The following CEACAM4 variants were observed in gnomAD, a reference collection of about 807,000 sequenced individuals.
CEACAM4 encodes the protein cell adhesion molecule CEACAM4.
Under a neutral mutation model 28.7 loss-of-function variants are expected in CEACAM4, and 30 were observed. The observed-to-expected ratio is 1.05, with a 90% CI of 0.78 to 1.42. The LOEUF is 1.42. Among genes scored for constraint, CEACAM4 ranks in the 40% most tolerant of loss-of-function variants. The pLI is 0.00. For synonymous variants in CEACAM4, 143 were observed against 126.5 expected, an observed-to-expected ratio of 1.13 and a Z score of -0.87; for missense variants, 330 against 308.2, an observed-to-expected ratio of 1.07 and a Z score of -0.53.
chr19:41,626,132 G>A (rs1252108514), intron 1 of CEACAM4, among the ~76,000 whole-genome samples, 172 bp from the exon 2 acceptor site: 1 of 140,028 alleles, frequency 7.1e-6, no homozygotes, highest in Non-Finnish European at 1.5e-5. Flanking sequence ...GTGTCCCTGG[G>A]TCAGCAGCAT....
intron 6 of CEACAM4, 59 bp downstream of exon 6, chr19:41,619,611 G>T: frequency 6.4e-7 from 1 of 1,569,582 alleles, no homozygotes; most frequent in Non-Finnish European, 8.6e-7. Flanking sequence ...GTGCTGGTGG[G>T]GGCAGATCCT....
chr19:41,624,630 C>G (rs2122579434), intron 2 of CEACAM4, among the ~76,000 whole-genome samples: 1 of 152,306 alleles, frequency 6.6e-6, no homozygotes, highest in Non-Finnish European at 1.5e-5. Flanking sequence ...TAGTAAGGCA[C>G]CAGGGATGAA....
In CEACAM4 at chr19:41,620,758, G is replaced by A. The variant is rs1455078641; in HGVS notation, c.543-131C>T. On this transcript the variant is annotated intron_variant, in intron 3 of 6. Coordinates refer to ENST00000221954, the MANE Select transcript of CEACAM4 (RefSeq NM_001817.4). ...GCCTCCTGTCTCCATCAGTTTCGTG[G>A]TAGGAGCGGCCGAGGACGGGGAGCT... 2.9e-5 allele frequency: 23 copies of A among 785,452 alleles called. No individual in the cohort carries two copies. In the African/African-American group the frequency reaches 3.7e-4, roughly 13 times the overall value. The allele number at this position is 785,452 out of a possible 1,614,324, so 48.7% of individuals were successfully genotyped here. A position where few individuals can be genotyped will look rare whatever the true frequency, so the allele number is the denominator to read the frequency against.
Position 41,619,357 on chromosome 19 carries a change from G to A in CEACAM4, c.708C>T (p.Ile236=), listed in dbSNP as rs369386028. The change falls in exon 7 of 7, where the codon ATC becomes ATT. Residue 236 remains isoleucine, a synonymous_variant. Coordinates refer to ENST00000221954, the MANE Select transcript of CEACAM4 (RefSeq NM_001817.4). Reference sequence around the variant, plus strand: ...AAGAGACCACATCTGCTTTGTGGTCGATCTGGCAGTAAATGTTTGCATCAG... The same window carrying A: ...AAGAGACCACATCTGCTTTGTGGTCAATCTGGCAGTAAATGTTTGCATCAG... ...LYSDANIYCQ[I]DHKADVVS is the part of the protein sequence containing the mutation. The A allele has an allele frequency of 3.1e-6, 5 of 1,613,926 alleles. No individual in the cohort carries two copies. The African/African-American group carries it at 4.0e-5, about 13-fold the overall frequency.
At position 41,626,871 on chromosome 19, in the gene CEACAM4, C is replaced by T. The variant is rs184432334; in HGVS notation, c.64+29G>A. ...CAGTCAGTCTCTGTGCTCCCTCTTC[C>T]CACCACTCCCAGAGAGTCCTCCCCT... On this transcript the variant is annotated intron_variant, in intron 1 of 6. Transcript: ENST00000221954. 1.9e-6 allele frequency: 3 copies of T among 1,601,000 alleles called. No individual in the cohort carries two copies. The East Asian group carries it at 6.7e-5, about 36-fold the overall frequency.
intron 4 of CEACAM4, 24 bp downstream of exon 4, chr19:41,620,551 C>T: frequency 3.1e-6 from 5 of 1,607,512 alleles, no homozygotes; most frequent in Non-Finnish European, 3.4e-6. Flanking sequence ...GGGGCTCCCA[C>T]ACCTGGGCTG....
At chr19:41,620,343 G>T in intron 4 of CEACAM4, 101 bp from the exon 5 acceptor site, 1 of 1,144,348 alleles carries the variant, frequency 8.7e-7, no homozygotes, top group Non-Finnish European at 1.2e-6. Context: ...ATCAGGGAGA[G>T]GGAGCCTCTT....
chr19:41,624,574 G>A (rs912276879), intron 2 of CEACAM4, among the ~76,000 whole-genome samples: 2 of 152,184 alleles, frequency 1.3e-5, no homozygotes, highest in Non-Finnish European at 2.9e-5. Context: ...AGACACCTAA[G>A]AAGAAAACAT....
At chr19:41,621,823 C>T in intron 2 of CEACAM4, 55 bp from the exon 3 acceptor site, 2 of 1,032,076 alleles carry the variant, frequency 1.9e-6, no homozygotes, top group East Asian at 2.4e-5. Flanking sequence ...CAAGGGAAAC[C>T]ATAAGAGGCA....
At chr19:41,624,685 G>A (rs1308560639) in intron 2 of CEACAM4, among the ~76,000 whole-genome samples, 3 of 152,194 alleles carry the variant, frequency 2.0e-5, no homozygotes, top group Non-Finnish European at 4.4e-5. Flanking sequence ...ATGTGACTCT[G>A]CCAGCTGCGA....
downstream of CEACAM4, among the ~76,000 whole-genome samples, chr19:41,618,647 A>G (rs2071061700): frequency 1.3e-5 from 2 of 152,138 alleles, no homozygotes; most frequent in African/African-American, 4.8e-5. Context: ...GCCGCAACCT[A>G]TACCACCCAT....
chr19:41,622,181 G>A (rs975811766), intron 2 of CEACAM4, among the ~76,000 whole-genome samples: 1 of 151,818 alleles, frequency 6.6e-6, no homozygotes. Context: ...AAGTTCAAGC[G>A]ATTCTCTTGC....
At position 41,619,090 on chromosome 19, in the gene CEACAM4, G is replaced by A. The variant is rs1316158751; in HGVS notation, c.*240C>T. On this transcript the variant is annotated 3_prime_UTR_variant, in exon 7 of 7. Coordinates refer to ENST00000221954, the MANE Select transcript of CEACAM4 (RefSeq NM_001817.4). ...GGCCACAGGCCCATTCACTTTCCTT[G>A]CAAGCCCCCGCTTCCTGTGGTGATG... 1.9e-6 allele frequency: 1 copy of A among 532,166 alleles called. No homozygotes were observed. Among genetic ancestry groups the A allele is most frequent in the Admixed American group, 3.4e-5 (1 of 29,224 alleles). The allele number at this position is 532,166 out of a possible 1,614,324, so 33.0% of individuals were successfully genotyped here.
downstream of CEACAM4, among the ~76,000 whole-genome samples, chr19:41,616,536 GATAGA>G (rs2070987121): frequency 1.7e-4 from 21 of 120,376 alleles, no homozygotes; most frequent in African/African-American, 6.2e-4. Flanking sequence ...TAGATAGATA[GATAGA>G]TAGATATTCA....
downstream of CEACAM4, among the ~76,000 whole-genome samples, chr19:41,617,244 C>T (rs764319873): frequency 1.8e-4 from 27 of 152,142 alleles, no homozygotes; most frequent in Non-Finnish European, 3.5e-4. Flanking sequence ...AGCAACTAAG[C>T]ATGTCACCAA....
At chr19:41,616,457 C>T (rs1600329239), downstream of CEACAM4, among the ~76,000 whole-genome samples, 1 of 151,784 alleles carries the variant, frequency 6.6e-6, no homozygotes, top group East Asian at 1.9e-4. Context: ...CCTAATAAAG[C>T]ATTCTCATAT....
At chr19:41,619,639 C>A in intron 6 of CEACAM4, 31 bp downstream of exon 6, 1 of 1,581,794 alleles carries the variant, frequency 6.3e-7, no homozygotes, top group South Asian at 1.2e-5. Flanking sequence ...CTGGAGCCTG[C>A]GGGACCAGAA....
chr19:41,616,366 T>G (rs192977587), downstream of CEACAM4, among the ~76,000 whole-genome samples: 4 of 152,258 alleles, frequency 2.6e-5, no homozygotes, highest in Non-Finnish European at 4.4e-5. Context: ...CTGATAGCCA[T>G]GTGTCACTAC....
Position 41,620,116 on chromosome 19 carries a change from G to A in CEACAM4, c.627+95C>T, listed in dbSNP as rs949536795. On this transcript the variant is annotated intron_variant, in intron 5 of 6. Coordinates refer to ENST00000221954, the MANE Select transcript of CEACAM4 (RefSeq NM_001817.4). ...GACCTGACTGTTCTGGGGAAAGGTG[G>A]GTCAGTGCTGTGCTGTGGGGTTGAT... The A allele has an allele frequency of 9.7e-6, 11 of 1,131,878 alleles. No homozygotes were observed. The East Asian group carries it at 1.4e-4, about 15-fold the overall frequency. The allele number at this position is 1,131,878 out of a possible 1,614,324, so 70.1% of individuals were successfully genotyped here.
Sources: gnomAD v4.1 joint callset for allele counts (sites outside exome capture counted in the v4.1 genomes callset) on GRCh38, gnomAD v4.1.1 for gene constraint, MANE v1.5 for transcripts, NCBI Gene and HGNC (gene_info 2026-07-23, HGNC 2026-07-21) for gene names.